The following GRM5 variants were observed in gnomAD, a reference collection of about 807,000 sequenced individuals.
GRM5 encodes the protein metabotropic glutamate receptor 5.
Under a neutral mutation model 83.1 loss-of-function variants are expected in GRM5, and 19 were observed. The observed-to-expected ratio is 0.23, with a 90% confidence interval of 0.16 to 0.34. GRM5 has a LOEUF of 0.34. GRM5 is among the 10% of genes least tolerant of loss of function. GRM5 has a pLI of 1.00. For missense variants in GRM5, 1,160 were observed against 1,588.3 expected, an observed-to-expected ratio of 0.73 and a Z score of 4.58; for synonymous variants, 675 against 633.6, an observed-to-expected ratio of 1.07 and a Z score of -0.98.
intron 2 of GRM5, among the ~76,000 whole-genome samples, chr11:88,928,928 A>G (rs1208681436): frequency 3.9e-5 from 6 of 152,048 alleles, no homozygotes; most frequent in Non-Finnish European, 8.8e-5. Flanking sequence ...ACACACACAC[A>G]CACACACACA....
intron 3 of GRM5, among the ~76,000 whole-genome samples, chr11:88,844,303 C>T (rs1385823007): frequency 6.6e-6 from 1 of 151,936 alleles, no homozygotes; most frequent in Admixed American, 6.6e-5. Flanking sequence ...GGTGACAACA[C>T]ATCTCTTTAA....
chr11:88,732,426 G>A (rs1941827827), intron 3 of GRM5, among the ~76,000 whole-genome samples: 2 of 152,136 alleles, frequency 1.3e-5, no homozygotes, highest in East Asian at 3.9e-4. Context: ...TGACTCTGGG[G>A]AAGGAACTGA....
chr11:88,557,843 G>A (rs1017473653), intron 8 of GRM5, among the ~76,000 whole-genome samples: 4 of 150,674 alleles, frequency 2.7e-5, no homozygotes, highest in African/African-American at 9.8e-5. Flanking sequence ...ATGGTGGTTT[G>A]CTTCACCCCT....
chr11:88,829,149 T>C (rs1177231991), intron 3 of GRM5, among the ~76,000 whole-genome samples: 2 of 148,680 alleles, frequency 1.3e-5, no homozygotes, highest in Non-Finnish European at 2.9e-5. Context: ...TTAAGTATAA[T>C]AGAAAAACAA....
intron 3 of GRM5, among the ~76,000 whole-genome samples, chr11:88,680,980 A>G (rs1250395671): frequency 6.6e-6 from 1 of 152,142 alleles, no homozygotes; most frequent in Non-Finnish European, 1.5e-5. Context: ...GAAGTATGCA[A>G]TATTCTGTGG....
At chr11:88,861,906 C>T (rs912267721) in intron 2 of GRM5, among the ~76,000 whole-genome samples, 7 of 152,146 alleles carry the variant, frequency 4.6e-5, no homozygotes, top group East Asian at 3.9e-4. Flanking sequence ...GACTGTGAGA[C>T]AGTTAAACAA....
chr11:88,525,194 G>T lies in GRM5; in HGVS notation c.2726+115C>A, dbSNP rs148970684. ...TAGAAAACCAGTAGTAGCCTGGGTT[G>T]GACACACTGTATGAGTTGCACAGTT... is the stretch of plus-strand genomic sequence containing the variant. On this transcript the variant is annotated intron_variant, in intron 9 of 9. Coordinates refer to ENST00000305447, the MANE Select transcript of GRM5 (RefSeq NM_001143831.3). 921 of 691,948 alleles carry T rather than the reference G, an allele frequency of 1.3e-3. 14 individuals are homozygous for T. The highest frequency in any genetic ancestry group is 1.3e-3 in the Middle Eastern group (5 of 3,986). The allele number at this position is 691,948 out of a possible 1,614,324, so 42.9% of individuals were successfully genotyped here.
At chr11:88,787,240 A>G (rs1163345655) in intron 3 of GRM5, among the ~76,000 whole-genome samples, 1 of 151,816 alleles carries the variant, frequency 6.6e-6, no homozygotes, top group African/African-American at 2.4e-5. Flanking sequence ...ACATCCAAGC[A>G]TCACTCATTT....
At position 89,047,543 on chromosome 11, in the gene GRM5, A is replaced by C; in HGVS notation, c.330T>G (p.Ile110Met). ...WHSAVALEQS[I>M]EFIRDSLISS... Reference sequence around the variant, plus strand: ...AAATGAGGGAATCTCTTATGAACTCAATGCTCTGCTCTAGGGCCACAGCCG... The same window carrying C: ...AAATGAGGGAATCTCTTATGAACTCCATGCTCTGCTCTAGGGCCACAGCCG... Residue 110 changes from isoleucine (I) to methionine (M), a missense_variant, in exon 2 of 10, where the codon ATT becomes ATG. By Grantham distance (10) the Ile-to-Met change is conservative. Coordinates refer to ENST00000305447, the MANE Select transcript of GRM5 (RefSeq NM_001143831.3). The surrounding 1 kb of genome is among the most constrained non-coding windows in gnomAD (Gnocchi z 5.1). 6.2e-7 allele frequency: 1 copy of C among 1,614,174 alleles called. No individual in the cohort carries two copies. Among genetic ancestry groups the C allele is most frequent in the Non-Finnish European group, 8.5e-7 (1 of 1,179,998 alleles).
intron 3 of GRM5, among the ~76,000 whole-genome samples, chr11:88,838,265 A>C (rs1207332034): frequency 3.3e-5 from 5 of 152,094 alleles, no homozygotes; most frequent in Non-Finnish European, 7.4e-5. Flanking sequence ...CCAGGAGAGA[A>C]AAGCATGGAA....
chr11:88,962,735 A>G (rs1938822378), intron 2 of GRM5, among the ~76,000 whole-genome samples: 1 of 152,184 alleles, frequency 6.6e-6, no homozygotes. Context: ...CAAATAATCT[A>G]GAAAAAAATA....
At chr11:88,660,765 T>G (rs775178504) in intron 3 of GRM5, among the ~76,000 whole-genome samples, 1 of 152,198 alleles carries the variant, frequency 6.6e-6, no homozygotes, top group Non-Finnish European at 1.5e-5. Context: ...TCTTATTCCT[T>G]AGATATGTTA....
At chr11:88,632,276 T>A (rs1413229411) in intron 4 of GRM5, among the ~76,000 whole-genome samples, 2 of 141,522 alleles carry the variant, frequency 1.4e-5, no homozygotes, top group Non-Finnish European at 3.1e-5. Flanking sequence ...TGGCAGGATC[T>A]AACTCCTTCA....
intron 3 of GRM5, among the ~76,000 whole-genome samples, chr11:88,693,330 G>A (rs1940825569): frequency 6.6e-6 from 1 of 152,082 alleles, no homozygotes; most frequent in Non-Finnish European, 1.5e-5. Context: ...AGGCTAGTAT[G>A]GAAATACAAA....
At chr11:88,583,012 C>T (rs578035511) in intron 7 of GRM5, among the ~76,000 whole-genome samples, 2 of 151,474 alleles carry the variant, frequency 1.3e-5, no homozygotes, top group East Asian at 1.9e-4. Flanking sequence ...ATAATCTCAA[C>T]CTTAAAGGAT....
At chr11:88,950,076 G>A (rs1359121363) in intron 2 of GRM5, among the ~76,000 whole-genome samples, 11 of 148,852 alleles carry the variant, frequency 7.4e-5, no homozygotes, top group East Asian at 3.9e-4. Flanking sequence ...GGGTTTCACC[G>A]TGTTAGCCAG....
At chr11:88,995,351 C>A (rs915129496) in intron 2 of GRM5, among the ~76,000 whole-genome samples, 1 of 151,756 alleles carries the variant, frequency 6.6e-6, no homozygotes, top group South Asian at 2.1e-4. Flanking sequence ...TCAAGACTAT[C>A]CTGGCCAACA....
rs932553680 is a variant in GRM5 at position 88,653,266 on chromosome 11, T to A, written c.1049A>T (p.His350Leu). The change falls in exon 4 of 10, where the codon CAC (histidine) becomes CTC (leucine). Residue 350 changes from histidine to leucine, a missense_variant. Transcript: ENST00000305447. ...AAATTCTTGAAACCAAGGGTTTCGG[T>A]GGTTTGTTTCTGGCCGGAGCTTCAG... ...YYLKLRPETN[H>L]RNPWFQEFWQ... is the part of the protein sequence containing the mutation. 1 of 1,613,328 alleles carries A rather than the reference T, an allele frequency of 6.2e-7. No individual in the cohort carries two copies. The highest frequency in any genetic ancestry group is 8.5e-7 in the Non-Finnish European group (1 of 1,179,498).
chr11:88,578,085 C>G (rs1385959183), intron 7 of GRM5, among the ~76,000 whole-genome samples: 5 of 152,012 alleles, frequency 3.3e-5, no homozygotes, highest in Non-Finnish European at 7.4e-5. Context: ...TGGGGAAAAG[C>G]CAGGCTACTT....
Sources: allele counts gnomAD v4.1 joint callset (sites outside exome capture counted in the v4.1 genomes callset), GRCh38; gene constraint gnomAD v4.1.1; non-coding constraint Gnocchi (gnomAD v3.1); transcripts MANE v1.5; gene names NCBI Gene and HGNC (gene_info 2026-07-23, HGNC 2026-07-21).